RALGPS1: variants seen among roughly 807,000 people sequenced by gnomAD.
RALGPS1 encodes ras-specific guanine nucleotide-releasing factor RalGPS1.
Under a neutral mutation model 78.8 loss-of-function variants are expected in RALGPS1, and 19 were observed. The ratio of observed to expected loss-of-function variants is 0.24; its 90% CI spans 0.17 to 0.35. The LOEUF (loss-of-function observed/expected upper bound fraction) is 0.35, where lower values mean the gene tolerates loss of function less well. RALGPS1 is among the 10% of genes least tolerant of loss of function. RALGPS1 has a pLI of 1.00. For synonymous variants in RALGPS1, 228 were observed against 256.3 expected, an observed-to-expected ratio of 0.89 and a Z score of 1.06; for missense variants, 454 against 688.3, an observed-to-expected ratio of 0.66 and a Z score of 3.81.
chr9:127,191,658 T>C (rs2061040546), intron 11 of RALGPS1, among the ~76,000 whole-genome samples: 1 of 152,140 alleles, frequency 6.6e-6, no homozygotes, highest in African/African-American at 2.4e-5. Context: ...CTTTTTTCTT[T>C]TCCATCAGGT....
In RALGPS1 at chr9:126,997,380, A is replaced by G. The variant is rs1442889248; in HGVS notation, c.216+19635A>G. Among the ~76,000 whole-genome samples the G allele has an allele frequency of 2.6e-5, 4 of 151,508 alleles. 1 individual carries two copies. The highest frequency in any genetic ancestry group is 4.2e-4 in the South Asian group (2 of 4,810). On this transcript the variant is annotated intron_variant, in intron 4 of 18. Transcript: ENST00000259351. The stretch of plus-strand genomic sequence containing the variant: ...AAATCACAAGCATTCTTACACACCA[A>G]TAACAGAGAACCAAATCATGAGTGA...
intron 8 of RALGPS1, among the ~76,000 whole-genome samples, chr9:127,073,883 TTA>T (rs1257078889): frequency 6.6e-6 from 1 of 152,160 alleles, no homozygotes; most frequent in Non-Finnish European, 1.5e-5. Context: ...TTTTATTTTA[TTA>T]TTATTATTTT....
chr9:127,187,406 G>C (rs980848576), intron 11 of RALGPS1, among the ~76,000 whole-genome samples: 1 of 152,198 alleles, frequency 6.6e-6, no homozygotes, highest in African/African-American at 2.4e-5. Flanking sequence ...GGCACACCTG[G>C]GATCAAGTCC....
chr9:127,118,268 T>A (rs1334664338), intron 8 of RALGPS1, among the ~76,000 whole-genome samples: 1 of 152,222 alleles, frequency 6.6e-6, no homozygotes, highest in Non-Finnish European at 1.5e-5. Context: ...AACACTGTTA[T>A]GAACTCAGTC....
rs143351290 is a variant in RALGPS1, at chr9:127,200,791, G to A, written c.1247+1725G>A. On this transcript the variant is annotated intron_variant, in intron 14 of 18. Transcript: ENST00000259351. Reference sequence around the variant, plus strand: ...GTCAGGGGACTCCTGGGGACACCCTGAGGGAGATAGCTTACAGGCAGGCCA... The same window carrying A: ...GTCAGGGGACTCCTGGGGACACCCTAAGGGAGATAGCTTACAGGCAGGCCA... Among the ~76,000 whole-genome samples, 22 of 152,380 alleles carry A rather than the reference G, an allele frequency of 1.4e-4. No individual in the cohort carries two copies. In the East Asian group the frequency reaches 4.2e-3, roughly 29 times the overall value.
chr9:127,039,831 T>C (rs1433319804), intron 5 of RALGPS1, among the ~76,000 whole-genome samples: 2 of 152,046 alleles, frequency 1.3e-5, no homozygotes, highest in East Asian at 3.9e-4. Context: ...TGGGGAAAGC[T>C]TGAAAAAAGC....
intron 8 of RALGPS1, among the ~76,000 whole-genome samples, chr9:127,138,487 C>T (rs548300638): frequency 5.9e-5 from 9 of 152,274 alleles, no homozygotes; most frequent in East Asian, 1.9e-4. Flanking sequence ...AGTGACAGTG[C>T]AAGAGGCAGA....
At chr9:126,953,442 T>C (rs1179035972) in intron 1 of RALGPS1, among the ~76,000 whole-genome samples, 1 of 152,016 alleles carries the variant, frequency 6.6e-6, no homozygotes, top group Admixed American at 6.6e-5. Flanking sequence ...GTGGAAAGAA[T>C]GGCGTTTTTG....
At chr9:127,191,900 T>C (rs1405484545) in intron 11 of RALGPS1, among the ~76,000 whole-genome samples, 1 of 152,154 alleles carries the variant, frequency 6.6e-6, no homozygotes, top group Non-Finnish European at 1.5e-5. Flanking sequence ...GGTTTCACCG[T>C]GTCAGCCAGG....
At chr9:127,154,832 G>T (rs2058623099) in intron 8 of RALGPS1, among the ~76,000 whole-genome samples, 1 of 152,170 alleles carries the variant, frequency 6.6e-6, no homozygotes, top group South Asian at 2.1e-4. Context: ...CTCTCTGGCC[G>T]GGATCCTGGT....
At chr9:126,943,583 C>T (rs2036973383) in intron 1 of RALGPS1, among the ~76,000 whole-genome samples, 1 of 152,162 alleles carries the variant, frequency 6.6e-6, no homozygotes, top group Admixed American at 6.5e-5. Flanking sequence ...CTGGCACCTC[C>T]AACCCACACC....
chr9:127,136,171 G>A (rs887222042), intron 8 of RALGPS1, among the ~76,000 whole-genome samples: 3 of 152,180 alleles, frequency 2.0e-5, no homozygotes, highest in African/African-American at 7.2e-5. Flanking sequence ...ATGCCCGAAG[G>A]CCCAGGGTTA....
At chr9:127,008,729 T>C (rs2044085532) in intron 4 of RALGPS1, among the ~76,000 whole-genome samples, 1 of 152,158 alleles carries the variant, frequency 6.6e-6, no homozygotes, top group African/African-American at 2.4e-5. Flanking sequence ...GGGCTTAACA[T>C]CTCAAAATCT....
chr9:126,998,649 C>G (rs1256202439), intron 4 of RALGPS1, among the ~76,000 whole-genome samples: 4 of 152,064 alleles, frequency 2.6e-5, no homozygotes, highest in African/African-American at 9.7e-5. Flanking sequence ...ACCATTTGAC[C>G]CAGCCATCCC....
At chr9:126,978,907 T>G (rs770060894) in intron 4 of RALGPS1, among the ~76,000 whole-genome samples, 2 of 152,206 alleles carry the variant, frequency 1.3e-5, no homozygotes, top group Non-Finnish European at 2.9e-5. Context: ...TCCAGTCACC[T>G]AAGGCCAAGA....
At position 127,047,787 on chromosome 9, in the gene RALGPS1, T is replaced by C. The variant is rs57756935; in HGVS notation, c.301-2256T>C. Among the ~76,000 whole-genome samples, 1,481 of 152,336 alleles carry C rather than the reference T, an allele frequency of 9.7e-3. 30 individuals are homozygous for C. Among genetic ancestry groups the C allele is most frequent in the African/African-American group, 0.033 (1,390 of 41,576 alleles). On this transcript the variant is annotated intron_variant, in intron 5 of 18. Coordinates refer to ENST00000259351, the MANE Select transcript of RALGPS1 (RefSeq NM_014636.3). ...CTATATGTGAGACTGAGATTTGTCT[T>C]TTTGTACTTATCTCTTACGACTTAC...
At chr9:127,118,329 C>G (rs2137559094) in intron 8 of RALGPS1, among the ~76,000 whole-genome samples, 1 of 152,332 alleles carries the variant, frequency 6.6e-6, no homozygotes, top group Admixed American at 6.5e-5. Flanking sequence ...TAGAAACTAC[C>G]CCCAGAATGA....
intron 4 of RALGPS1, among the ~76,000 whole-genome samples, chr9:127,013,756 C>T (rs1349286294): frequency 7.2e-5 from 11 of 152,102 alleles, no homozygotes; most frequent in Admixed American, 6.5e-4. Flanking sequence ...GTAGGAGTGA[C>T]TTATCCTTTC....
chr9:126,994,870 A>G (rs2042596452), intron 4 of RALGPS1, among the ~76,000 whole-genome samples: 1 of 152,172 alleles, frequency 6.6e-6, no homozygotes, highest in Non-Finnish European at 1.5e-5. Flanking sequence ...AGTGGGGACC[A>G]ATATTCAACA....
Sources: gnomAD v4.1 joint callset for allele counts (sites outside exome capture counted in the v4.1 genomes callset) on GRCh38, gnomAD v4.1.1 for gene constraint, MANE v1.5 for transcripts, NCBI Gene and HGNC (gene_info 2026-07-23, HGNC 2026-07-21) for gene names.